CAMTA1: variants seen among roughly 807,000 people sequenced by gnomAD.
CAMTA1 encodes calmodulin binding transcription activator 1, also known as calmodulin-binding transcription activator 1.
CAMTA1 carries 27 observed loss-of-function variants against 170.9 expected under a neutral mutation model. That is an observed-to-expected ratio of 0.16 (90% CI 0.12 to 0.22). The LOEUF is 0.22. Among genes scored for constraint, CAMTA1 ranks in the 10% least tolerant of loss-of-function variants. The probability of loss-of-function intolerance (pLI) is 1.00; values close to 1 mark genes in which losing one functional copy is unlikely to be tolerated. For synonymous variants in CAMTA1, 833 were observed against 891.5 expected (o/e 0.93, Z 1.17); for missense variants, 1,619 against 2,217.2 (o/e 0.73, Z 5.42).
intron 3 of CAMTA1, among the ~76,000 whole-genome samples, chr1:6,862,944 G>A (rs558939265): frequency 2.6e-5 from 4 of 152,156 alleles, no homozygotes; most frequent in Non-Finnish European, 4.4e-5. Context: ...GGGAAAAAAG[G>A]TGACAAGAAT....
At chr1:7,029,717 C>T (rs1557995807) in intron 3 of CAMTA1, among the ~76,000 whole-genome samples, 1 of 151,942 alleles carries the variant, frequency 6.6e-6, no homozygotes, top group South Asian at 2.1e-4. Context: ...ATTGAGGAAC[C>T]CAAAGAGCTT....
In CAMTA1 at chr1:6,965,124, G is replaced by C. The variant is rs1258839892; in HGVS notation, c.235-126180G>C. Among the ~76,000 whole-genome samples, 1 of 152,232 alleles carries C rather than the reference G, an allele frequency of 6.6e-6. No homozygotes were observed. Among genetic ancestry groups the C allele is most frequent in the East Asian group, 1.9e-4 (1 of 5,202 alleles). On this transcript the variant is annotated intron_variant, in intron 3 of 22. Transcript: ENST00000303635. This position sits in a 1 kb window ranked among gnomAD's most constrained non-coding sequence, Gnocchi z 4.1. ...AAGAAGCAGGGCCAGCGGAAGGGCTGTATTTCTGGTGAGATGTATTAATAT... is the reference window on the plus strand; with the variant it reads ...AAGAAGCAGGGCCAGCGGAAGGGCTCTATTTCTGGTGAGATGTATTAATAT...
intron 4 of CAMTA1, among the ~76,000 whole-genome samples, chr1:7,204,163 C>T (rs188882400): frequency 3.4e-3 from 515 of 151,998 alleles, no homozygotes; most frequent in African/African-American, 0.012. Flanking sequence ...TCTATTCTCA[C>T]GTCATTAACT....
chr1:6,810,888 C>T (rs936140832), intron 1 of CAMTA1, among the ~76,000 whole-genome samples: 7 of 152,122 alleles, frequency 4.6e-5, no homozygotes, highest in Non-Finnish European at 1.0e-4. Flanking sequence ...GGGGTGGTGA[C>T]GGGATTAGAA....
intron 5 of CAMTA1, among the ~76,000 whole-genome samples, chr1:7,398,878 G>C (rs1042130053): frequency 6.6e-6 from 1 of 151,984 alleles, no homozygotes; most frequent in Non-Finnish European, 1.5e-5. Context: ...ACTATTTTAA[G>C]TTGATAATAA....
At chr1:6,847,698 C>T (rs1157156851) in intron 3 of CAMTA1, among the ~76,000 whole-genome samples, 1 of 151,378 alleles carries the variant, frequency 6.6e-6, no homozygotes, top group Admixed American at 6.6e-5. Flanking sequence ...CACTGCCACC[C>T]CCAGCTAACT....
chr1:7,654,812 C>CAACTAT (rs2095872295), intron 7 of CAMTA1, among the ~76,000 whole-genome samples: 1 of 132,106 alleles, frequency 7.6e-6, no homozygotes, highest in African/African-American at 2.8e-5. Flanking sequence ...CACACCCACA[C>CAACTAT]ACACCACACA....
At chr1:7,167,335 C>G (rs1648689794) in intron 4 of CAMTA1, among the ~76,000 whole-genome samples, 1 of 152,046 alleles carries the variant, frequency 6.6e-6, no homozygotes, top group South Asian at 2.1e-4. Flanking sequence ...CATCCTTTCC[C>G]CAGTGATGTG....
chr1:7,623,653 C>T (rs2095613958), intron 6 of CAMTA1, among the ~76,000 whole-genome samples: 1 of 152,252 alleles, frequency 6.6e-6, no homozygotes. Flanking sequence ...CATGCGCCAC[C>T]ACACCCAGCT....
At chr1:7,201,079 G>A (rs997406665) in intron 4 of CAMTA1, among the ~76,000 whole-genome samples, 1 of 152,096 alleles carries the variant, frequency 6.6e-6, no homozygotes, top group African/African-American at 2.4e-5. Context: ...CCAGCCCTCT[G>A]CAAACATTAA....
Position 7,299,917 on chromosome 1 carries a change from CA to C in CAMTA1, c.438+50293del, listed in dbSNP as rs1202250367. ...CCTAGAGTCTTAGAAGGGGCCCGTGCAACCAGAGGTGCCCCGAAAGCTTAAG... is the reference window on the plus strand; with the variant it reads ...CCTAGAGTCTTAGAAGGGGCCCGTGCACCAGAGGTGCCCCGAAAGCTTAAG... On this transcript the variant is annotated intron_variant, in intron 5 of 22. Transcript: ENST00000303635. The surrounding 1 kb of genome is among the most constrained non-coding windows in gnomAD (Gnocchi z 4.7). Among the ~76,000 whole-genome samples the C allele has an allele frequency of 6.6e-6, 1 of 152,154 alleles. No homozygotes were observed. The highest frequency in any genetic ancestry group is 1.5e-5 in the Non-Finnish European group (1 of 68,034).
rs145695922 is a variant in CAMTA1, at chr1:7,456,823, G to A, written c.439-11007G>A. 8.8e-3 allele frequency among the ~76,000 whole-genome samples: 1,335 copies of A among 152,328 alleles called. 46 individuals carry two copies. Among genetic ancestry groups the A allele is most frequent in the Non-Finnish European group, 4.8e-3 (329 of 68,020 alleles). On this transcript the variant is annotated intron_variant, in intron 5 of 22. Coordinates refer to ENST00000303635, the MANE Select transcript of CAMTA1 (RefSeq NM_015215.4). The surrounding 1 kb of genome is among the most constrained non-coding windows in gnomAD (Gnocchi z 4.9). ...TGGGCCTGGCTGAACGTCCTCAGAG[G>A]GTGGGAAAACAGGCAGGTGAGAGTG...
intron 3 of CAMTA1, among the ~76,000 whole-genome samples, chr1:6,836,453 G>A (rs893893313): frequency 5.3e-5 from 8 of 152,160 alleles, no homozygotes; most frequent in African/African-American, 1.4e-4. Context: ...CTGGTCTGGC[G>A]AAGGGGGTAG....
chr1:6,857,587 G>T (rs1405181146), intron 3 of CAMTA1, among the ~76,000 whole-genome samples: 2 of 152,150 alleles, frequency 1.3e-5, no homozygotes, highest in Non-Finnish European at 2.9e-5. Flanking sequence ...GTAGGACAAG[G>T]ACATGTGTTT....
chr1:6,927,227 G>A (rs1033129496), intron 3 of CAMTA1, among the ~76,000 whole-genome samples: 6 of 151,848 alleles, frequency 4.0e-5, no homozygotes, highest in Admixed American at 6.6e-5. Context: ...TGTAGAGATG[G>A]GATTTTGCCA....
intron 11 of CAMTA1, among the ~76,000 whole-genome samples, chr1:7,710,600 CAAAAAAAA>C (rs60019262): frequency 2.4e-5 from 2 of 82,776 alleles, no homozygotes; most frequent in Non-Finnish European, 2.4e-5. Context: ...GACCCTGTCT[CAAAAAAAA>C]AAAAAAAAAA....
chr1:7,722,534 G>A (rs1170876755), intron 11 of CAMTA1, among the ~76,000 whole-genome samples: 1 of 151,940 alleles, frequency 6.6e-6, no homozygotes, highest in Admixed American at 6.6e-5. Flanking sequence ...AGCTATTCTG[G>A]GATTATGAGT....
chr1:6,915,880 T>C (rs1300284903), intron 3 of CAMTA1, among the ~76,000 whole-genome samples: 1 of 152,176 alleles, frequency 6.6e-6, no homozygotes, highest in African/African-American at 2.4e-5. Context: ...CAACTGAGTC[T>C]CTGACCCCAC....
intron 3 of CAMTA1, among the ~76,000 whole-genome samples, chr1:6,897,547 T>G (rs547078449): frequency 6.6e-6 from 1 of 152,320 alleles, no homozygotes; most frequent in African/African-American, 2.4e-5. Flanking sequence ...GTTAATGTGG[T>G]TTAGTCAACT....
Sources: gnomAD v4.1 joint callset for allele counts (sites outside exome capture counted in the v4.1 genomes callset) on GRCh38, gnomAD v4.1.1 for gene constraint, Gnocchi (gnomAD v3.1) non-coding constraint, MANE v1.5 for transcripts, NCBI Gene and HGNC (gene_info 2026-07-23, HGNC 2026-07-21) for gene names.